GRM7: variants seen among roughly 807,000 people sequenced by gnomAD.
GRM7 encodes the protein metabotropic glutamate receptor 7.
GRM7 carries 35 observed loss-of-function variants against 84.5 expected under a neutral mutation model. That is an observed-to-expected ratio of 0.41 (90% CI 0.32 to 0.55). The LOEUF (loss-of-function observed/expected upper bound fraction) is 0.55, where lower values mean the gene tolerates loss of function less well. Ranked by LOEUF, GRM7 falls within the 20% of genes least tolerant of loss-of-function variation. The pLI, the probability that GRM7 is intolerant of heterozygous loss-of-function variation, is 0.19. For missense variants in GRM7, 1,003 were observed against 1,194.6 expected (o/e 0.84, Z 2.36); for synonymous variants, 487 against 455.1 (o/e 1.07, Z -0.89).
At chr3:7,429,195 G>GT (rs59834157) in intron 5 of GRM7, among the ~76,000 whole-genome samples, 6,963 of 150,666 alleles carry the variant, frequency 0.046, 521 homozygotes, top group African/African-American at 0.15. Flanking sequence ...ATAGAGTTTT[G>GT]TTTTTTTTTG....
intron 1 of GRM7, among the ~76,000 whole-genome samples, chr3:7,100,557 C>CA (rs1251375735): frequency 6.6e-6 from 1 of 151,796 alleles, no homozygotes; most frequent in Non-Finnish European, 1.5e-5. Context: ...TGGAATACCA[C>CA]AAAAACATGG....
intron 8 of GRM7, among the ~76,000 whole-genome samples, chr3:7,672,853 C>A (rs1426653529): frequency 6.6e-6 from 1 of 152,058 alleles, no homozygotes; most frequent in Non-Finnish European, 1.5e-5. Flanking sequence ...CCTCGGCCTC[C>A]CAAAGTGCTG....
intron 1 of GRM7, among the ~76,000 whole-genome samples, chr3:6,912,179 T>C (rs573448758): frequency 9.2e-5 from 14 of 152,154 alleles, no homozygotes; most frequent in Admixed American, 5.9e-4. Flanking sequence ...AGGAAAGTAA[T>C]AAAAAAGAAT....
intron 7 of GRM7, among the ~76,000 whole-genome samples, chr3:7,464,190 G>T (rs528203139): frequency 3.9e-5 from 6 of 152,272 alleles, no homozygotes; most frequent in African/African-American, 1.4e-4. Context: ...ATGACACTTT[G>T]AGAACCACTG....
chr3:7,108,935 T>C (rs140670578), intron 1 of GRM7, among the ~76,000 whole-genome samples: 3 of 152,064 alleles, frequency 2.0e-5, no homozygotes, highest in Non-Finnish European at 4.4e-5. Context: ...AGAGTTAGCA[T>C]GCAATTGGAG....
intron 2 of GRM7, among the ~76,000 whole-genome samples, chr3:7,187,191 G>C (rs1388539525): frequency 3.9e-5 from 5 of 128,832 alleles, no homozygotes; most frequent in African/African-American, 1.2e-4. Flanking sequence ...TGCTACTGCA[G>C]GAAGTGAGAA....
intron 1 of GRM7, among the ~76,000 whole-genome samples, chr3:7,030,873 G>T (rs1001115402): frequency 2.0e-5 from 3 of 152,094 alleles, no homozygotes; most frequent in African/African-American, 7.2e-5. Context: ...AAAAGCAAAT[G>T]ATTCAGAATT....
At chr3:7,090,200 A>T (rs1291987406) in intron 1 of GRM7, among the ~76,000 whole-genome samples, 5 of 152,202 alleles carry the variant, frequency 3.3e-5, no homozygotes, top group Non-Finnish European at 7.4e-5. Context: ...ACATTTTAAA[A>T]AGGAATAAGC....
chr3:7,272,157 C>T (rs990580405), intron 2 of GRM7, among the ~76,000 whole-genome samples: 4 of 152,022 alleles, frequency 2.6e-5, no homozygotes, highest in African/African-American at 9.7e-5. Flanking sequence ...TTCCTCTCTC[C>T]CTCCGTAACC....
At chr3:7,080,601 C>A (rs1698244813) in intron 1 of GRM7, among the ~76,000 whole-genome samples, 1 of 151,926 alleles carries the variant, frequency 6.6e-6, no homozygotes, top group Non-Finnish European at 1.5e-5. Flanking sequence ...CTGTTCTATT[C>A]TAAGCTTCAC....
chr3:7,429,577 C>A (rs1696748067), intron 5 of GRM7, among the ~76,000 whole-genome samples: 1 of 151,910 alleles, frequency 6.6e-6, no homozygotes, highest in Non-Finnish European at 1.5e-5. Context: ...GTCATTTGAT[C>A]CTCCCTACAA....
At position 7,173,071 on chromosome 3, in the gene GRM7, A is replaced by T. The variant is rs146510970; in HGVS notation, c.736+26403A>T. 5.2e-3 allele frequency among the ~76,000 whole-genome samples: 787 copies of T among 152,310 alleles called. 5 individuals carry two copies. The highest frequency in any genetic ancestry group is 0.017 in the Middle Eastern group (5 of 294). The stretch of plus-strand genomic sequence containing the variant: ...TACTATTAATTTCTCCATCATCCAG[A>T]AAAGGACGCCGAGGTACAGGGACTT... On this transcript the variant is annotated intron_variant, in intron 2 of 9. Coordinates refer to ENST00000357716, the MANE Select transcript of GRM7 (RefSeq NM_000844.4).
chr3:7,414,926 C>A, intron 4 of GRM7, 97 bp from the exon 5 acceptor site: 1 of 893,184 alleles, frequency 1.1e-6, no homozygotes, highest in Non-Finnish European at 1.6e-6. Context: ...GGATCCAATT[C>A]ACTGAAACAA....
intron 1 of GRM7, among the ~76,000 whole-genome samples, chr3:7,079,514 CTTTT>C (rs60271856): frequency 6.6e-6 from 1 of 151,498 alleles, no homozygotes; most frequent in Non-Finnish European, 1.5e-5. Context: ...TGAAACATTT[CTTTT>C]TTTTTATTTA....
At chr3:7,568,083 T>C (rs1406880412) in intron 7 of GRM7, among the ~76,000 whole-genome samples, 3 of 152,210 alleles carry the variant, frequency 2.0e-5, no homozygotes, top group Non-Finnish European at 2.9e-5. Flanking sequence ...TAGTAAGTTA[T>C]TCATTCACTT....
At chr3:7,311,704 C>G (rs1258535966) in intron 4 of GRM7, among the ~76,000 whole-genome samples, 1 of 151,864 alleles carries the variant, frequency 6.6e-6, no homozygotes, top group Non-Finnish European at 1.5e-5. Flanking sequence ...AGTGATTCTC[C>G]TGCCTCAGCC....
chr3:6,888,364 T>G (rs866193963), intron 1 of GRM7, among the ~76,000 whole-genome samples: 18 of 152,236 alleles, frequency 1.2e-4, no homozygotes, highest in East Asian at 5.8e-4. Flanking sequence ...TATGGTTTTA[T>G]GTCTAACGTT....
chr3:6,924,412 T>A (rs1230728915), intron 1 of GRM7, among the ~76,000 whole-genome samples: 2 of 152,174 alleles, frequency 1.3e-5, no homozygotes, highest in Non-Finnish European at 2.9e-5. Context: ...ATGGAGAATC[T>A]CTTGGGGAAC....
At chr3:6,911,388 G>T (rs923769257) in intron 1 of GRM7, among the ~76,000 whole-genome samples, 1 of 152,082 alleles carries the variant, frequency 6.6e-6, no homozygotes, top group Non-Finnish European at 1.5e-5. Flanking sequence ...ATAAATAGTA[G>T]AAATTTCTTC....
Sources: allele counts gnomAD v4.1 joint callset (sites outside exome capture counted in the v4.1 genomes callset), GRCh38; gene constraint gnomAD v4.1.1; transcripts MANE v1.5; gene names NCBI Gene and HGNC (gene_info 2026-07-23, HGNC 2026-07-21).